The following ZDHHC8 variants were observed in gnomAD, a reference collection of about 807,000 sequenced individuals.
ZDHHC8 encodes the protein palmitoyltransferase ZDHHC8.
Under a neutral mutation model 61.2 loss-of-function variants are expected in ZDHHC8, and 24 were observed. That is an observed-to-expected ratio of 0.39 (90% CI 0.28 to 0.55). The LOEUF (loss-of-function observed/expected upper bound fraction) is 0.55, where lower values mean the gene tolerates loss of function less well. Among genes scored for constraint, ZDHHC8 ranks in the 20% least tolerant of loss-of-function variants. ZDHHC8 has a pLI of 0.60. For missense variants in ZDHHC8, 935 were observed against 1,102.1 expected, an observed-to-expected ratio of 0.85 and a Z score of 2.15; for synonymous variants, 523 against 492.5, an observed-to-expected ratio of 1.06 and a Z score of -0.82.
Position 20,145,431 on chromosome 22 carries a change from C to T in ZDHHC8, c.*31C>T. 1 of 1,450,184 alleles carries T rather than the reference C, an allele frequency of 6.9e-7. No homozygotes were observed. Among genetic ancestry groups the T allele is most frequent in the Non-Finnish European group, 9.1e-7 (1 of 1,097,470 alleles). 89.8% of individuals were successfully genotyped at this position (1,450,184 alleles called of 1,614,324 possible). A position where few individuals can be genotyped will look rare whatever the true frequency, so the allele number is the denominator to read the frequency against. ...GACTGCCACACATCCGCCATGGTGC[C>T]ACGGGGACCAGGACCCCACAGCGCA... On this transcript the variant is annotated 3_prime_UTR_variant, in exon 11 of 11. Transcript: ENST00000334554.
chr22:20,139,938 G>A (rs751017724), intron 4 of ZDHHC8, 46 bp downstream of exon 4: 25 of 1,600,632 alleles, frequency 1.6e-5, no homozygotes, highest in Admixed American at 6.7e-5. Flanking sequence ...GATGTGGACC[G>A]GGGACACGTT....
intron 9 of ZDHHC8, 128 bp downstream of exon 9, chr22:20,141,658 C>T (rs562140893): frequency 2.5e-6 from 2 of 787,164 alleles, no homozygotes; most frequent in African/African-American, 3.5e-5. Flanking sequence ...GAGGCCACAT[C>T]CCCTGAGGCC....
At chr22:20,134,697 G>GC (rs2050405809) in intron 1 of ZDHHC8, among the ~76,000 whole-genome samples, 1 of 152,264 alleles carries the variant, frequency 6.6e-6, no homozygotes, top group Admixed American at 6.5e-5. Flanking sequence ...CACCAGGTGG[G>GC]CAGGAGTTCT....
At chr22:20,142,702 C>T (rs1033340674) in intron 9 of ZDHHC8, 54 bp from the exon 10 acceptor site, 102 of 1,604,746 alleles carry the variant, frequency 6.4e-5, no homozygotes, top group Non-Finnish European at 8.4e-5. Flanking sequence ...TGCTGACTGG[C>T]GGCTGCAGGC....
intron 1 of ZDHHC8, among the ~76,000 whole-genome samples, chr22:20,136,099 C>T (rs556454893): frequency 4.6e-5 from 7 of 152,274 alleles, no homozygotes; most frequent in Admixed American, 3.3e-4. Flanking sequence ...ATTGGAACCT[C>T]GGGGCTGGGC....
Position 20,143,191 on chromosome 22 carries a change from C to T in ZDHHC8, c.1561C>T (p.Leu521=), listed in dbSNP as rs2050488600. 2 of 1,609,704 alleles carry T rather than the reference C, an allele frequency of 1.2e-6. No individual in the cohort carries two copies. Residue 521 remains leucine (L), a synonymous_variant, in exon 10 of 11, where the codon CTA becomes TTA. Coordinates refer to ENST00000334554, the MANE Select transcript of ZDHHC8 (RefSeq NM_013373.4). ...GGCAACGGGCGACCCGCCACGGCCC[C>T]TACCCCGCAGCTTCAGCCCCGTGCT... ...PGATGDPPRP[L]PRSFSPVLGP...
chr22:20,147,446 C>T lies in ZDHHC8; in HGVS notation c.*2046C>T. ...ACCTGCTGCAGGGGGTCCAGCACCC[C>T]ACAGGGGGGCAGTCCCAGAGCTGTG... On this transcript the variant is annotated 3_prime_UTR_variant, in exon 11 of 11. Coordinates refer to ENST00000334554, the MANE Select transcript of ZDHHC8 (RefSeq NM_013373.4). 2.1e-6 allele frequency: 1 copy of T among 475,734 alleles called. No individual in the cohort carries two copies. The highest frequency in any genetic ancestry group is 4.4e-5 in the South Asian group (1 of 22,544). The allele number at this position is 475,734 out of a possible 1,614,324, so 29.5% of individuals were successfully genotyped here.
At position 20,133,550 on chromosome 22, in the gene ZDHHC8, G is replaced by C. The variant is rs1331039917; in HGVS notation, c.104+1499G>C. 2.0e-5 allele frequency among the ~76,000 whole-genome samples: 3 copies of C among 152,046 alleles called. No individual in the cohort carries two copies. In the East Asian group the frequency reaches 5.8e-4, roughly 29 times the overall value. ...TTGAGACCAGCCTGGCCAACATGGC[G>C]AAACCCCGTCTCTACTAAAAGTACA... On this transcript the variant is annotated intron_variant, in intron 1 of 10. Coordinates refer to ENST00000334554, the MANE Select transcript of ZDHHC8 (RefSeq NM_013373.4).
At position 20,131,957 on chromosome 22, in the gene ZDHHC8, A is replaced by G; in HGVS notation, c.10A>G (p.Ser4Gly). Residue 4 changes from serine to glycine, a missense_variant, in exon 1 of 11, where the codon AGC becomes GGC. Ser to Gly is a moderately conservative substitution (Grantham distance 56, BLOSUM62 0). Coordinates refer to ENST00000334554, the MANE Select transcript of ZDHHC8 (RefSeq NM_013373.4). ...CGGCGCGGCGCCCAGGATGCCCCGCAGCCCCGGGACGCGCCTCAAACCCGC... is the reference window on the plus strand; with the variant it reads ...CGGCGCGGCGCCCAGGATGCCCCGCGGCCCCGGGACGCGCCTCAAACCCGC... MPR[S>G]PGTRLKPAKY... 1 of 1,241,556 alleles carries G rather than the reference A, an allele frequency of 8.1e-7. No individual in the cohort carries two copies. The highest frequency in any genetic ancestry group is 1.8e-5 in the South Asian group (1 of 56,176). 76.9% of individuals were successfully genotyped at this position (1,241,556 alleles called of 1,614,324 possible).
chr22:20,145,361 G>A lies in ZDHHC8; in HGVS notation c.2259G>A (p.Val753=). The A allele has an allele frequency of 1.3e-6, 2 of 1,575,876 alleles. No homozygotes were observed. Among genetic ancestry groups the A allele is most frequent in the Non-Finnish European group, 1.7e-6 (2 of 1,162,342 alleles). The change falls in exon 11 of 11, where the codon GTG becomes GTA. Residue 753 remains valine (V), a synonymous_variant. Transcript: ENST00000334554. ...SPTRHTLVKK[V]SGVGGTTYEI... ...CACGGCACACGCTGGTTAAGAAGGT[G>A]TCCGGCGTGGGTGGGACCACCTACG...
Position 20,143,015 on chromosome 22 carries a change from G to A in ZDHHC8, c.1385G>A (p.Arg462His), listed in dbSNP as rs775484413. The change falls in exon 10 of 11, where the codon CGT (arginine) becomes CAT (histidine). Residue 462 changes from arginine (R) to histidine (H), a missense_variant. Coordinates refer to ENST00000334554, the MANE Select transcript of ZDHHC8 (RefSeq NM_013373.4). Reference protein sequence around the residue: ...RSEGGPPTPHRSIFAPHALPN... With the variant: ...RSEGGPPTPHHSIFAPHALPN... ...GAGGGGGGGCCCCCCACGCCCCACC[G>A]TAGCATTTTTGCCCCCCATGCACTG... 2.6e-5 allele frequency: 42 copies of A among 1,611,964 alleles called. No individual in the cohort carries two copies. Among genetic ancestry groups the A allele is most frequent in the East Asian group, 8.9e-5 (4 of 44,862 alleles).
chr22:20,147,015 C>A lies in ZDHHC8; in HGVS notation c.*1615C>A. The A allele has an allele frequency of 4.3e-6, 6 of 1,404,568 alleles. No individual in the cohort carries two copies. The highest frequency in any genetic ancestry group is 5.5e-6 in the Non-Finnish European group (6 of 1,081,826). 87.0% of individuals were successfully genotyped at this position (1,404,568 alleles called of 1,614,324 possible). ...GCTTCTCTCTCACGGACGCCGCGGC[C>A]CGCAGGGGGCGGATTGGCACCTGCA... On this transcript the variant is annotated 3_prime_UTR_variant, in exon 11 of 11. Coordinates refer to ENST00000334554, the MANE Select transcript of ZDHHC8 (RefSeq NM_013373.4).
At position 20,146,297 on chromosome 22, in the gene ZDHHC8, C is replaced by T. The variant is rs996135191; in HGVS notation, c.*897C>T. 2.5e-5 allele frequency: 25 copies of T among 985,472 alleles called. No individual in the cohort carries two copies. The highest frequency in any genetic ancestry group is 4.7e-5 in the South Asian group (1 of 21,286). 61.0% of individuals were successfully genotyped at this position (985,472 alleles called of 1,614,324 possible). Reference sequence around the variant, plus strand: ...AGCCCCGGCCTGGCTGCGGTGCTCGCGCCGTGGGAAAGCACACTGGGGAGG... The same window carrying T: ...AGCCCCGGCCTGGCTGCGGTGCTCGTGCCGTGGGAAAGCACACTGGGGAGG... On this transcript the variant is annotated 3_prime_UTR_variant, in exon 11 of 11. Coordinates refer to ENST00000334554, the MANE Select transcript of ZDHHC8 (RefSeq NM_013373.4).
chr22:20,140,409 CTG>C (rs1367596538), intron 5 of ZDHHC8, 192 bp downstream of exon 5: 2 of 775,848 alleles, frequency 2.6e-6, no homozygotes, highest in African/African-American at 1.8e-5. Flanking sequence ...CCTGTGGACA[CTG>C]TGGCCACCAG....
At chr22:20,144,190 G>A (rs1051285465) in intron 10 of ZDHHC8, among the ~76,000 whole-genome samples, 5 of 152,144 alleles carry the variant, frequency 3.3e-5, no homozygotes, top group African/African-American at 1.2e-4. Flanking sequence ...GGCTGGGGCT[G>A]AGGATATTAC....
At chr22:20,144,005 C>T (rs1476193884) in intron 10 of ZDHHC8, among the ~76,000 whole-genome samples, 2 of 152,208 alleles carry the variant, frequency 1.3e-5, no homozygotes, top group South Asian at 2.1e-4. Flanking sequence ...CCCGACGACT[C>T]GTTCTTCTAG....
Position 20,140,937 on chromosome 22 carries a change from ACTC to A in ZDHHC8, c.822_824del (p.Leu275del), listed in dbSNP as rs776527592. ...TGAAGCCGCCTTTCCTTAGGCCTGA[ACTC>A]CTGGACCGAGCTGCACCGCTCAAGG... On this transcript the variant is annotated inframe_deletion, in exon 7 of 11. Transcript: ENST00000334554. The A allele has an allele frequency of 3.1e-6, 5 of 1,609,160 alleles. No homozygotes were observed. In the Admixed American group the frequency reaches 8.3e-5, roughly 27 times the overall value.
chr22:20,145,138 C>T (rs1428101146), intron 10 of ZDHHC8, 91 bp from the exon 11 acceptor site: 12 of 1,215,384 alleles, frequency 9.9e-6, no homozygotes, highest in Admixed American at 5.9e-5. Context: ...TCCACGTCCG[C>T]GTCGTCTCTG....
chr22:20,147,084 G>T lies in ZDHHC8; in HGVS notation c.*1684G>T. Reference sequence around the variant, plus strand: ...GTGGCCAGCCTTGGGTGCCTCCTGGGCTGCACCTGTGCCACCTTGGCCGCC... The same window carrying T: ...GTGGCCAGCCTTGGGTGCCTCCTGGTCTGCACCTGTGCCACCTTGGCCGCC... On this transcript the variant is annotated 3_prime_UTR_variant, in exon 11 of 11. Coordinates refer to ENST00000334554, the MANE Select transcript of ZDHHC8 (RefSeq NM_013373.4). 1 of 1,529,464 alleles carries T rather than the reference G, an allele frequency of 6.5e-7. No homozygotes were observed. Among genetic ancestry groups the T allele is most frequent in the Non-Finnish European group, 8.8e-7 (1 of 1,139,336 alleles). 94.7% of individuals were successfully genotyped at this position (1,529,464 alleles called of 1,614,324 possible). A position where few individuals can be genotyped will look rare whatever the true frequency, so the allele number is the denominator to read the frequency against.
Sources: allele counts gnomAD v4.1 joint callset (sites outside exome capture counted in the v4.1 genomes callset), GRCh38; gene constraint gnomAD v4.1.1; transcripts MANE v1.5; gene names NCBI Gene and HGNC (gene_info 2026-07-23, HGNC 2026-07-21).